The following MARCHF1 variants were observed in gnomAD, a reference collection of about 807,000 sequenced individuals.
The protein encoded by MARCHF1 is membrane associated ring-CH-type finger 1.
A neutral mutation model predicts 54.2 loss-of-function variants in MARCHF1; 40 were observed. The ratio of observed to expected loss-of-function variants is 0.74; its 90% confidence interval spans 0.57 to 0.96. The LOEUF is 0.96. Ranked by LOEUF, MARCHF1 falls within the 40% of genes least tolerant of loss-of-function variation. The pLI, the probability that MARCHF1 is intolerant of heterozygous loss-of-function variation, is 0.00. For synonymous variants in MARCHF1, 236 were observed against 236.3 expected (o/e 1.00, Z 0.01); for missense variants, 586 against 656.5 (o/e 0.89, Z 1.17).
chr4:164,309,035 A>G (rs1251404213), intron 1 of MARCHF1, among the ~76,000 whole-genome samples: 1 of 152,080 alleles, frequency 6.6e-6, no homozygotes, highest in East Asian at 1.9e-4. Flanking sequence ...CGGTAAAAAT[A>G]GATGATAGGT....
intron 2 of MARCHF1, among the ~76,000 whole-genome samples, chr4:163,993,206 C>T (rs575335061): frequency 9.2e-5 from 14 of 151,826 alleles, no homozygotes; most frequent in East Asian, 1.9e-4. Context: ...GAGTATAAAA[C>T]GGAAAAATAA....
intron 5 of MARCHF1, among the ~76,000 whole-genome samples, chr4:163,663,166 G>C (rs962001906): frequency 7.3e-5 from 11 of 151,274 alleles, no homozygotes; most frequent in Admixed American, 6.6e-4. Context: ...TGTGTGGATA[G>C]TTGGATATTT....
intron 1 of MARCHF1, among the ~76,000 whole-genome samples, chr4:164,260,875 C>T (rs1359967942): frequency 6.6e-6 from 1 of 152,046 alleles, no homozygotes; most frequent in African/African-American, 2.4e-5. Context: ...AGAGCTATAC[C>T]AATAATACAA....
chr4:163,619,637 A>G lies in MARCHF1; in HGVS notation c.163-6244T>C, dbSNP rs569267432. 2.4e-3 allele frequency among the ~76,000 whole-genome samples: 365 copies of G among 152,210 alleles called. 2 individuals carry two copies. The highest frequency in any genetic ancestry group is 8.1e-3 in the African/African-American group (336 of 41,544). On this transcript the variant is annotated intron_variant, in intron 5 of 9. Coordinates refer to ENST00000514618, the MANE Select transcript of MARCHF1 (RefSeq NM_001394959.1). ...TGTATCTTTCTGTTTCTCGGTACAG[A>G]CAAATTTGCATCTCTAGTTAGTGGG...
At chr4:164,331,647 C>T (rs1328386766) in intron 1 of MARCHF1, among the ~76,000 whole-genome samples, 2 of 152,100 alleles carry the variant, frequency 1.3e-5, no homozygotes, top group African/African-American at 4.8e-5. Flanking sequence ...ATCCCATTTT[C>T]CTTCCTTTTG....
At chr4:163,618,016 C>T (rs1306933686) in intron 5 of MARCHF1, among the ~76,000 whole-genome samples, 5 of 152,130 alleles carry the variant, frequency 3.3e-5, no homozygotes, top group Non-Finnish European at 7.4e-5. Context: ...CACAGCTTTC[C>T]TTTGGAGAGT....
In MARCHF1 at chr4:163,688,227, A is replaced by G. The variant is rs75925793; in HGVS notation, c.162+12586T>C. Among the ~76,000 whole-genome samples, 1,008 of 152,320 alleles carry G rather than the reference A, an allele frequency of 6.6e-3. 13 individuals are homozygous for G. The highest frequency in any genetic ancestry group is 0.023 in the African/African-American group (961 of 41,592). On this transcript the variant is annotated intron_variant, in intron 5 of 9. Transcript: ENST00000514618. ...AAAAAAGAAAAAAAAAGCTGAAGTT[A>G]TAAAAAATTAAAATAGCTCATTAGT...
intron 2 of MARCHF1, among the ~76,000 whole-genome samples, chr4:163,991,500 T>C (rs925759929): frequency 6.6e-6 from 1 of 152,074 alleles, no homozygotes; most frequent in Non-Finnish European, 1.5e-5. Context: ...TGTAACAAAC[T>C]CAAACTAAGA....
intron 2 of MARCHF1, among the ~76,000 whole-genome samples, chr4:164,096,570 T>TAAA (rs70948698): frequency 3.4e-4 from 52 of 150,766 alleles, no homozygotes; most frequent in African/African-American, 1.2e-3. Flanking sequence ...TATCTAAAAT[T>TAAA]AAAAAAAAAA....
intron 4 of MARCHF1, among the ~76,000 whole-genome samples, chr4:163,721,210 C>G (rs555928604): frequency 3.3e-5 from 5 of 152,074 alleles, no homozygotes; most frequent in African/African-American, 4.8e-5. Context: ...CCCATCAATA[C>G]CTAATTTATT....
rs78164459 is a variant in MARCHF1, at chr4:163,691,052, C to T, written c.162+9761G>A. Among the ~76,000 whole-genome samples the T allele has an allele frequency of 3.8e-3, 580 of 152,198 alleles. 18 individuals carry two copies. Among genetic ancestry groups the T allele is most frequent in the Admixed American group, 0.028 (429 of 15,278 alleles). On this transcript the variant is annotated intron_variant, in intron 5 of 9. Coordinates refer to ENST00000514618, the MANE Select transcript of MARCHF1 (RefSeq NM_001394959.1). Reference sequence around the variant, plus strand: ...AGTATTATAAGTATATAAGGCAAAGCGTCATTTTATGGCTGTGGATTCAAA... The same window carrying T: ...AGTATTATAAGTATATAAGGCAAAGTGTCATTTTATGGCTGTGGATTCAAA...
intron 2 of MARCHF1, among the ~76,000 whole-genome samples, chr4:164,069,692 C>G (rs144382480): frequency 1.5e-4 from 23 of 152,154 alleles, no homozygotes; most frequent in African/African-American, 5.3e-4. Context: ...ACACTCACCG[C>G]GAGGGTCCAT....
chr4:163,535,133 G>A (rs1484026473), intron 9 of MARCHF1, among the ~76,000 whole-genome samples: 21 of 151,986 alleles, frequency 1.4e-4, no homozygotes, highest in Non-Finnish European at 7.4e-5. Flanking sequence ...CGTTCATAAC[G>A]AAACATACGT....
chr4:164,324,103 A>G (rs1735212570), intron 1 of MARCHF1, among the ~76,000 whole-genome samples: 2 of 152,006 alleles, frequency 1.3e-5, no homozygotes, highest in East Asian at 3.9e-4. Flanking sequence ...AGTTCTGTGT[A>G]ATAAGATTAA....
intron 5 of MARCHF1, among the ~76,000 whole-genome samples, chr4:163,624,054 G>T (rs980066810): frequency 1.7e-4 from 26 of 152,330 alleles, no homozygotes; most frequent in African/African-American, 6.0e-4. Flanking sequence ...TGGGTTGGAT[G>T]AGGTGCAAGT....
chr4:164,382,407 C>A (rs557901145), intron 1 of MARCHF1, among the ~76,000 whole-genome samples: 1 of 152,130 alleles, frequency 6.6e-6, no homozygotes, highest in East Asian at 1.9e-4. Context: ...TTTCTTATAC[C>A]ATAGCATTAT....
chr4:163,529,165 GAAAT>G, intron 9 of MARCHF1, 119 bp from the exon 10 acceptor site: 1 of 685,062 alleles, frequency 1.5e-6, no homozygotes, highest in East Asian at 2.8e-5. Context: ...TATGTTAACA[GAAAT>G]AATATATTCT....
At chr4:163,705,460 A>G (rs924717150) in intron 4 of MARCHF1, among the ~76,000 whole-genome samples, 1 of 152,004 alleles carries the variant, frequency 6.6e-6, no homozygotes, top group African/African-American at 2.4e-5. Flanking sequence ...ATACATGAGC[A>G]GTGTATCACT....
chr4:164,171,644 C>A (rs959065258), intron 1 of MARCHF1, among the ~76,000 whole-genome samples: 1 of 151,990 alleles, frequency 6.6e-6, no homozygotes, highest in African/African-American at 2.4e-5. Context: ...GAGTACCAAG[C>A]CTTAAATGAA....
Sources: gnomAD v4.1 joint callset for allele counts (sites outside exome capture counted in the v4.1 genomes callset) on GRCh38, gnomAD v4.1.1 for gene constraint, MANE v1.5 for transcripts, NCBI Gene and HGNC (gene_info 2026-07-23, HGNC 2026-07-21) for gene names.